Variants in FSD2 observed in about 807,000 individuals in gnomAD.
FSD2 encodes the protein fibronectin type III and SPRY domain-containing protein 2.
A neutral mutation model predicts 80.4 loss-of-function variants in FSD2; 71 were observed. The observed-to-expected ratio is 0.88, with a 90% confidence interval of 0.73 to 1.08. The LOEUF is 1.08. Ranked by LOEUF, FSD2 falls within the 50% of genes least tolerant of loss-of-function variation. The pLI is 0.00. For missense variants in FSD2, 923 were observed against 913.8 expected (o/e 1.01, Z -0.13); for synonymous variants, 361 against 329.5 (o/e 1.10, Z -1.03).
intron 2 of FSD2, 53 bp from the exon 3 acceptor site, chr15:82,786,659 C>T (rs1283329774): frequency 1.2e-6 from 2 of 1,605,160 alleles, no homozygotes; most frequent in Non-Finnish European, 1.7e-6. Flanking sequence ...TTCTCTCACT[C>T]TTGTAGAAGG....
intron 5 of FSD2, among the ~76,000 whole-genome samples, chr15:82,779,361 C>T (rs1168372567): frequency 6.6e-6 from 1 of 152,098 alleles, no homozygotes; most frequent in Non-Finnish European, 1.5e-5. Flanking sequence ...TTGTAAATGG[C>T]AGAGGCAGAA....
intron 8 of FSD2, 123 bp from the exon 9 acceptor site, chr15:82,769,153 A>G (rs2049497506): frequency 4.5e-6 from 4 of 882,016 alleles, no homozygotes; most frequent in Middle Eastern, 2.7e-4. Flanking sequence ...CAGTGCAATA[A>G]AAAGCAAACC....
intron 1 of FSD2, among the ~76,000 whole-genome samples, chr15:82,795,414 T>C (rs1457775324): frequency 6.6e-6 from 1 of 152,118 alleles, no homozygotes; most frequent in East Asian, 1.9e-4. Context: ...AGAATGAACA[T>C]TCCAATTCTT....
chr15:82,775,125 A>G (rs1351303128), intron 6 of FSD2, among the ~76,000 whole-genome samples: 2 of 150,094 alleles, frequency 1.3e-5, no homozygotes, highest in South Asian at 2.2e-4. Context: ...CCGACTGGCC[A>G]TGGTGGCTCA....
At chr15:82,800,127 G>A (rs1023136627) in intron 1 of FSD2, among the ~76,000 whole-genome samples, 80 of 152,144 alleles carry the variant, frequency 5.3e-4, no homozygotes, top group Non-Finnish European at 7.2e-4. Context: ...TGCGTCCTCA[G>A]AGAAGAACTC....
At chr15:82,784,134 T>C (rs892284697) in intron 3 of FSD2, among the ~76,000 whole-genome samples, 2 of 152,104 alleles carry the variant, frequency 1.3e-5, no homozygotes, top group Admixed American at 6.5e-5. Flanking sequence ...AGAAAGGCAA[T>C]AGATGAACTT....
rs770087503 is a variant in FSD2, at chr15:82,762,143, A to G, written c.1956T>C (p.Asn652=). The change falls in exon 12 of 13, where the codon AAT becomes AAC. Residue 652 remains asparagine (N), a synonymous_variant. Coordinates refer to ENST00000334574, the MANE Select transcript of FSD2 (RefSeq NM_001007122.4). Reference sequence around the variant, plus strand: ...TGTGCCTCATGCACCAGGAGAGGCAATTTGCTCCCAGATCCTCCTGTTTAC... The same window carrying G: ...TGTGCCTCATGCACCAGGAGAGGCAGTTTGCTCCCAGATCCTCCTGTTTAC... The part of the protein sequence containing the change: ...DVRKQEDLGA[N]CLSWCMRHTF... 40 of 1,610,774 alleles carry G rather than the reference A, an allele frequency of 2.5e-5. No individual in the cohort carries two copies. The highest frequency in any genetic ancestry group is 4.5e-5 in the East Asian group (2 of 44,824).
intron 11 of FSD2, among the ~76,000 whole-genome samples, chr15:82,763,239 C>G (rs904747021): frequency 5.9e-5 from 9 of 152,174 alleles, no homozygotes; most frequent in Non-Finnish European, 1.2e-4. Context: ...GGGAGGGGTA[C>G]ATACTTCTCA....
intron 7 of FSD2, among the ~76,000 whole-genome samples, chr15:82,771,401 G>T (rs868816766): frequency 2.6e-5 from 4 of 152,186 alleles, no homozygotes; most frequent in Non-Finnish European, 5.9e-5. Context: ...CACATGTTCA[G>T]CTGGGGCTCT....
intron 1 of FSD2, among the ~76,000 whole-genome samples, chr15:82,795,616 G>A (rs771607024): frequency 6.6e-5 from 10 of 152,156 alleles, no homozygotes; most frequent in Non-Finnish European, 1.3e-4. Flanking sequence ...GATCATTTGA[G>A]CTCAGGAGTT....
intron 1 of FSD2, among the ~76,000 whole-genome samples, chr15:82,797,177 T>C (rs2050295401): frequency 6.6e-6 from 1 of 152,152 alleles, no homozygotes; most frequent in Non-Finnish European, 1.5e-5. Flanking sequence ...TTCAATAAAG[T>C]TGAAGGAGGA....
chr15:82,786,588 T>A lies in FSD2; in HGVS notation c.658A>T (p.Met220Leu). The stretch of plus-strand genomic sequence containing the variant: ...ATTATCTGCTTTTCCAATTTGTACA[T>A]GTTTTTGTGAATTTCATCCTATCCA... ...ESAKDEIHKN[M>L]YKLEKQIIEM... The change falls in exon 3 of 13, where the codon ATG becomes TTG. Residue 220 changes from methionine (M) to leucine (L), a missense_variant. Coordinates refer to ENST00000334574, the MANE Select transcript of FSD2 (RefSeq NM_001007122.4). The A allele has an allele frequency of 6.2e-7, 1 of 1,613,586 alleles. No individual in the cohort carries two copies. The highest frequency in any genetic ancestry group is 8.5e-7 in the Non-Finnish European group (1 of 1,179,632).
At position 82,765,936 on chromosome 15, in the gene FSD2, G is replaced by T; in HGVS notation, c.1649C>A (p.Pro550His). 6.2e-7 allele frequency: 1 copy of T among 1,610,014 alleles called. No individual in the cohort carries two copies. Among genetic ancestry groups the T allele is most frequent in the South Asian group, 1.1e-5 (1 of 89,964 alleles). The change falls in exon 10 of 13, where the codon CCC (proline) becomes CAC (histidine). Residue 550 changes from proline to histidine, a missense_variant. Physicochemically the swap from Pro to His is moderately conservative, Grantham distance 77 (BLOSUM62 -2). Transcript: ENST00000334574. ...TGTAGCTGGCTCGCTCCTCACGCTG[G>T]GGCCCCCCATATTGAGGGCTCGCAC... Reference protein sequence around the residue: ...IYVRALNMGGPSVRSEPATVH... With the variant: ...IYVRALNMGGHSVRSEPATVH...
intron 11 of FSD2, 149 bp downstream of exon 11, chr15:82,765,017 C>T (rs1194109128): frequency 2.1e-6 from 2 of 960,350 alleles, no homozygotes; most frequent in Non-Finnish European, 3.0e-6. Flanking sequence ...TCCTCTGGGT[C>T]CCCTCCCCAT....
chr15:82,772,522 C>T (rs1047325020), intron 6 of FSD2, among the ~76,000 whole-genome samples: 1 of 152,220 alleles, frequency 6.6e-6, no homozygotes, highest in African/African-American at 2.4e-5. Flanking sequence ...GTTGTGGGTC[C>T]TCTGGCCCTT....
chr15:82,798,873 G>GTTTTTTTTTTTTTTTTTT, intron 1 of FSD2, among the ~76,000 whole-genome samples: 1 of 111,472 alleles, frequency 9.0e-6, no homozygotes, highest in Non-Finnish European at 1.7e-5. Flanking sequence ...TATCTCCACT[G>GTTTTTTTTTTTTTTTTTT]TTTTGTTTTT....
chr15:82,772,066 G>C lies in FSD2; in HGVS notation c.1267+7C>G. Reference sequence around the variant, plus strand: ...TGAGCACGGGCATGTTCCTGGCAGAGCCTCACCTGCTTGGTCCGTCCCAGG... The same window carrying C: ...TGAGCACGGGCATGTTCCTGGCAGACCCTCACCTGCTTGGTCCGTCCCAGG... On this transcript the variant is annotated splice_region_variant and intron_variant, in intron 7 of 12. Coordinates refer to ENST00000334574, the MANE Select transcript of FSD2 (RefSeq NM_001007122.4). 6.5e-7 allele frequency: 1 copy of C among 1,548,854 alleles called. No individual in the cohort carries two copies.
intron 1 of FSD2, among the ~76,000 whole-genome samples, chr15:82,798,606 T>G (rs1008490012): frequency 6.6e-6 from 1 of 152,218 alleles, no homozygotes; most frequent in African/African-American, 2.4e-5. Context: ...GCACTGTTTT[T>G]TCCTTATCCA....
intron 6 of FSD2, among the ~76,000 whole-genome samples, chr15:82,773,098 C>T (rs947198963): frequency 1.3e-5 from 2 of 152,204 alleles, no homozygotes; most frequent in African/African-American, 4.8e-5. Context: ...CTGCCTGACT[C>T]TGCCTCCCAA....
Sources: gnomAD v4.1 joint callset for allele counts (sites outside exome capture counted in the v4.1 genomes callset) on GRCh38, gnomAD v4.1.1 for gene constraint, MANE v1.5 for transcripts, NCBI Gene and HGNC (gene_info 2026-07-23, HGNC 2026-07-21) for gene names.